FANK1: variants seen among roughly 807,000 people sequenced by gnomAD.
FANK1 encodes fibronectin type III and ankyrin repeat domains 1.
In FANK1, 44 loss-of-function variants were observed where a neutral mutation model predicts 45.3. The ratio of observed to expected loss-of-function variants is 0.97; its 90% CI spans 0.76 to 1.25. The LOEUF (loss-of-function observed/expected upper bound fraction) is 1.25. Among genes scored for constraint, FANK1 ranks in the 50% most tolerant of loss-of-function variants. The probability of loss-of-function intolerance (pLI) is 0.00; values close to 1 mark genes in which losing one functional copy is unlikely to be tolerated. For synonymous variants in FANK1, 149 were observed against 152.5 expected (o/e 0.98, Z 0.17); for missense variants, 391 against 424.4 (o/e 0.92, Z 0.69).
chr10:125,967,325 C>T (rs1257547459), intron 1 of FANK1, among the ~76,000 whole-genome samples: 1 of 152,146 alleles, frequency 6.6e-6, no homozygotes, highest in Non-Finnish European at 1.5e-5. Context: ...TATGGGACCT[C>T]TGTGTGCCTC....
chr10:125,960,180 G>A (rs1295540514), intron 1 of FANK1: 4 of 198,794 alleles, frequency 2.0e-5, no homozygotes, highest in Non-Finnish European at 4.2e-5. Context: ...TTCCTCTGCA[G>A]ACTTCTTTCC....
At chr10:125,953,819 C>T (rs753809310) in intron 1 of FANK1, among the ~76,000 whole-genome samples, 1 of 152,178 alleles carries the variant, frequency 6.6e-6, no homozygotes, top group African/African-American at 2.4e-5. Context: ...TCTGGGAGGC[C>T]TTTGTGTCTG....
chr10:126,006,701 A>AG (rs1298027373), intron 7 of FANK1, among the ~76,000 whole-genome samples: 1 of 152,200 alleles, frequency 6.6e-6, no homozygotes, highest in Non-Finnish European at 1.5e-5. Context: ...CTCTACTAAA[A>AG]ATACAAAAAT....
chr10:125,914,591 T>C (rs929732159), intron 1 of FANK1, among the ~76,000 whole-genome samples: 10 of 152,314 alleles, frequency 6.6e-5, no homozygotes, highest in African/African-American at 2.4e-4. Context: ...AAACATTCCC[T>C]AACAGAAATG....
intron 1 of FANK1, among the ~76,000 whole-genome samples, chr10:125,947,993 A>G (rs191387279): frequency 1.5e-4 from 23 of 150,790 alleles, no homozygotes; most frequent in African/African-American, 4.9e-4. Flanking sequence ...TGGAAACTGA[A>G]CAACCTGCTC....
chr10:125,973,320 G>C (rs1241897779), intron 1 of FANK1: 16 of 473,682 alleles, frequency 3.4e-5, no homozygotes, highest in Non-Finnish European at 4.4e-5. Context: ...TTGGCTTCTG[G>C]TTATTTTGGG....
At position 125,932,765 on chromosome 10, in the gene FANK1, G is replaced by A. The variant is rs11244706; in HGVS notation, c.13+36110G>A. Among the ~76,000 whole-genome samples the A allele has an allele frequency of 2.0e-5, 3 of 152,060 alleles. No individual in the cohort carries two copies. The East Asian group carries it at 5.8e-4, about 29-fold the overall frequency. On this transcript the variant is annotated intron_variant, in intron 1 of 10. Transcript: ENST00000368693. Reference sequence around the variant, plus strand: ...CTATGTTGAGGAGTGGTGAAATTGGGCATCCTTGTCTTGTTCCCCTTCTCA... The same window carrying A: ...CTATGTTGAGGAGTGGTGAAATTGGACATCCTTGTCTTGTTCCCCTTCTCA...
intron 3 of FANK1, among the ~76,000 whole-genome samples, chr10:125,992,369 C>T (rs1400932689): frequency 6.6e-6 from 1 of 152,194 alleles, no homozygotes; most frequent in Non-Finnish European, 1.5e-5. Flanking sequence ...CTCAGTCCCT[C>T]CTTTCCCTCT....
At chr10:125,958,944 C>G (rs1949746902) in intron 1 of FANK1, among the ~76,000 whole-genome samples, 1 of 152,064 alleles carries the variant, frequency 6.6e-6, no homozygotes, top group African/African-American at 2.4e-5. Flanking sequence ...ATTGCAAACA[C>G]AAAGTTGTCT....
intron 1 of FANK1, among the ~76,000 whole-genome samples, chr10:125,902,530 T>C (rs1945128463): frequency 1.3e-5 from 2 of 152,268 alleles, no homozygotes; most frequent in South Asian, 4.1e-4. Flanking sequence ...CAGTGAAATT[T>C]GAAGTGCCTC....
At chr10:125,981,515 AGTT>A (rs1951216573) in intron 2 of FANK1, among the ~76,000 whole-genome samples, 2 of 146,736 alleles carry the variant, frequency 1.4e-5, no homozygotes, top group African/African-American at 2.5e-5. Flanking sequence ...AAAAAAAAAA[AGTT>A]ATGTTTTTCT....
intron 1 of FANK1, among the ~76,000 whole-genome samples, chr10:125,935,975 T>G (rs1948070276): frequency 6.6e-6 from 1 of 152,212 alleles, no homozygotes; most frequent in Admixed American, 6.5e-5. Flanking sequence ...TTTCTTTACC[T>G]TCTCTGAATT....
intron 1 of FANK1, chr10:125,973,347 C>A: frequency 2.7e-6 from 2 of 738,998 alleles, no homozygotes; most frequent in Non-Finnish European, 3.3e-6. Context: ...CCATAACAGT[C>A]TACCATTCCT....
At chr10:125,997,910 C>G (rs1000874922) in intron 6 of FANK1, among the ~76,000 whole-genome samples, 4 of 152,230 alleles carry the variant, frequency 2.6e-5, no homozygotes, top group African/African-American at 9.6e-5. Context: ...AAGAAGCAGA[C>G]AGAAATTACC....
intron 1 of FANK1, among the ~76,000 whole-genome samples, chr10:125,930,329 T>C (rs1034153974): frequency 2.6e-5 from 4 of 151,764 alleles, no homozygotes; most frequent in African/African-American, 4.8e-5. Context: ...TCACCACGCC[T>C]GGCCTAAAAT....
chr10:125,983,687 G>C lies in FANK1; in HGVS notation c.191+3349G>C, dbSNP rs894084689. Among the ~76,000 whole-genome samples, 1 of 152,162 alleles carries C rather than the reference G, an allele frequency of 6.6e-6. No individual in the cohort carries two copies. Among genetic ancestry groups the C allele is most frequent in the Admixed American group, 6.5e-5 (1 of 15,272 alleles). On this transcript the variant is annotated intron_variant, in intron 2 of 10. Coordinates refer to ENST00000368693, the MANE Select transcript of FANK1 (RefSeq NM_145235.5). The surrounding 1 kb of genome is among the most constrained non-coding windows in gnomAD (Gnocchi z 4.3). The stretch of plus-strand genomic sequence containing the variant: ...CCTGGCTGGTCCCAGGAGCATTGAG[G>C]AACAGAGGGAACAAGGAGGAAAATA...
At chr10:125,955,296 T>TC (rs909457835) in intron 1 of FANK1, among the ~76,000 whole-genome samples, 13 of 151,714 alleles carry the variant, frequency 8.6e-5, no homozygotes, top group African/African-American at 3.1e-4. Flanking sequence ...TGTGTGTTGG[T>TC]CCCCCCCATG....
At chr10:125,985,366 C>T (rs1951485477) in intron 2 of FANK1, among the ~76,000 whole-genome samples, 1 of 152,134 alleles carries the variant, frequency 6.6e-6, no homozygotes, top group Non-Finnish European at 1.5e-5. Flanking sequence ...GACCTATTTT[C>T]ATTTAACATC....
At chr10:125,922,754 A>G (rs903288150) in intron 1 of FANK1, among the ~76,000 whole-genome samples, 3 of 152,170 alleles carry the variant, frequency 2.0e-5, no homozygotes, top group Admixed American at 6.6e-5. Context: ...AGCTCAGGCC[A>G]TCCTCTCACT....
Sources: gnomAD v4.1 joint callset for allele counts (sites outside exome capture counted in the v4.1 genomes callset) on GRCh38, gnomAD v4.1.1 for gene constraint, Gnocchi (gnomAD v3.1) non-coding constraint, MANE v1.5 for transcripts, NCBI Gene and HGNC (gene_info 2026-07-23, HGNC 2026-07-21) for gene names.